FHIT: variants seen among roughly 807,000 people sequenced by gnomAD.
FHIT encodes the protein bis(5'-adenosyl)-triphosphatase.
Under a neutral mutation model 17.9 loss-of-function variants are expected in FHIT, and 19 were observed. That is an observed-to-expected ratio of 1.06 (90% CI 0.74 to 1.56). The LOEUF (loss-of-function observed/expected upper bound fraction) is 1.56. FHIT is among the 40% of genes most tolerant of loss of function. The probability of loss-of-function intolerance (pLI) is 0.00; values close to 1 mark genes in which losing one functional copy is unlikely to be tolerated. For synonymous variants in FHIT, 81 were observed against 69.7 expected (o/e 1.16, Z -0.81); for missense variants, 248 against 189.2 (o/e 1.31, Z -1.82).
intron 5 of FHIT, among the ~76,000 whole-genome samples, chr3:60,153,341 T>C: frequency 9.5e-6 from 1 of 105,288 alleles, no homozygotes; most frequent in African/African-American, 3.8e-5. Flanking sequence ...GAAAGAAAGG[T>C]AACTTTCACT....
chr3:60,935,660 T>G (rs2107387649), intron 3 of FHIT, among the ~76,000 whole-genome samples: 1 of 152,344 alleles, frequency 6.6e-6, no homozygotes, highest in East Asian at 1.9e-4. Context: ...CTCAAGTCTC[T>G]TCTGACTCTA....
intron 5 of FHIT, among the ~76,000 whole-genome samples, chr3:60,389,661 T>A (rs2107146598): frequency 6.6e-6 from 1 of 152,308 alleles, no homozygotes; most frequent in East Asian, 1.9e-4. Flanking sequence ...TCAACATAAG[T>A]GTTATATTTA....
intron 4 of FHIT, among the ~76,000 whole-genome samples, chr3:60,576,390 C>T (rs1333131395): frequency 6.6e-6 from 1 of 151,990 alleles, no homozygotes; most frequent in Non-Finnish European, 1.5e-5. Flanking sequence ...ATGGTGTCTG[C>T]AAATGCTCCA....
chr3:60,369,000 G>C (rs938595516), intron 5 of FHIT, among the ~76,000 whole-genome samples: 1 of 151,316 alleles, frequency 6.6e-6, no homozygotes, highest in African/African-American at 2.4e-5. Context: ...TCCTGAGACC[G>C]CTCACTCTGT....
At chr3:60,807,541 T>C (rs1406523979) in intron 4 of FHIT, among the ~76,000 whole-genome samples, 2 of 152,166 alleles carry the variant, frequency 1.3e-5, no homozygotes, top group African/African-American at 4.8e-5. Context: ...TGAGCCATGA[T>C]TGTGCCACTG....
chr3:59,970,008 G>A (rs779517208), intron 7 of FHIT, among the ~76,000 whole-genome samples: 17 of 151,904 alleles, frequency 1.1e-4, no homozygotes, highest in Non-Finnish European at 1.9e-4. Context: ...ACCCCACCCA[G>A]AACATAACTG....
rs574946093 is a variant in FHIT at position 61,089,792 on chromosome 3, G to C, written c.-163-47693C>G. ...CATAACCAAAGAGTAGAAACTATAA[G>C]AAGAGAGATTTCAATTTGACATAAG... On this transcript the variant is annotated intron_variant, in intron 2 of 9. Transcript: ENST00000492590. 5.9e-5 allele frequency among the ~76,000 whole-genome samples: 9 copies of C among 152,242 alleles called. No individual in the cohort carries two copies. In the South Asian group the frequency reaches 1.9e-3, roughly 32 times the overall value.
intron 4 of FHIT, among the ~76,000 whole-genome samples, chr3:60,655,106 A>G (rs1048187447): frequency 6.6e-6 from 1 of 152,182 alleles, no homozygotes; most frequent in Non-Finnish European, 1.5e-5. Context: ...TGTAAGGCAA[A>G]TACTTCTTGT....
intron 5 of FHIT, among the ~76,000 whole-genome samples, chr3:60,426,822 A>T (rs1702685599): frequency 6.6e-6 from 1 of 152,076 alleles, no homozygotes; most frequent in Non-Finnish European, 1.5e-5. Flanking sequence ...TTGCTTTACT[A>T]GACAGTGCTC....
intron 5 of FHIT, among the ~76,000 whole-genome samples, chr3:60,212,380 G>A (rs1576316506): frequency 6.6e-6 from 1 of 152,096 alleles, no homozygotes; most frequent in Non-Finnish European, 1.5e-5. Flanking sequence ...AAACGTTAGG[G>A]TATTTGTTGG....
Position 59,950,549 on chromosome 3 carries a change from G to A in FHIT, c.280-28135C>T, listed in dbSNP as rs1304949826. 3.3e-5 allele frequency among the ~76,000 whole-genome samples: 5 copies of A among 152,264 alleles called. No homozygotes were observed. The East Asian group carries it at 9.7e-4, about 29-fold the overall frequency. On this transcript the variant is annotated intron_variant, in intron 7 of 9. Coordinates refer to ENST00000492590, the MANE Select transcript of FHIT (RefSeq NM_002012.4). The stretch of plus-strand genomic sequence containing the variant: ...GTACTTGCCACTGTCTAAAAAAACT[G>A]TTTGTTTACTTGTTTTCTTTTCTTT...
intron 1 of FHIT, among the ~76,000 whole-genome samples, chr3:61,204,527 A>C (rs946081545): frequency 6.6e-6 from 1 of 152,236 alleles, no homozygotes. Flanking sequence ...GAAGGGAGAA[A>C]GAAGCAAAGG....
At chr3:61,125,025 C>A (rs1158480940) in intron 2 of FHIT, among the ~76,000 whole-genome samples, 1 of 152,062 alleles carries the variant, frequency 6.6e-6, no homozygotes, top group Non-Finnish European at 1.5e-5. Flanking sequence ...ACTAAGTATA[C>A]CAAATCATTT....
At chr3:60,715,672 A>T (rs1244096816) in intron 4 of FHIT, among the ~76,000 whole-genome samples, 1 of 150,980 alleles carries the variant, frequency 6.6e-6, no homozygotes, top group Non-Finnish European at 1.5e-5. Flanking sequence ...CCTAATGCTA[A>T]ATGATGAGTT....
intron 3 of FHIT, 37 bp downstream of exon 3, chr3:61,042,010 T>A (rs1369810596): frequency 6.6e-6 from 1 of 152,246 alleles, no homozygotes; most frequent in East Asian, 1.9e-4. Flanking sequence ...GTGGCATATG[T>A]GCCAATTCTG....
intron 5 of FHIT, among the ~76,000 whole-genome samples, chr3:60,533,899 T>G (rs1009856589): frequency 6.6e-6 from 1 of 152,140 alleles, no homozygotes; most frequent in Admixed American, 6.5e-5. Flanking sequence ...GATAAAGTTA[T>G]AGGCTACATT....
chr3:61,134,353 AAATAATTATTCATTC>A (rs2036852563), intron 2 of FHIT, among the ~76,000 whole-genome samples: 1 of 152,150 alleles, frequency 6.6e-6, no homozygotes, highest in African/African-American at 2.4e-5. Context: ...ACATGCAAGA[AAATAATTATTCATTC>A]AATAAGTATT....
intron 4 of FHIT, among the ~76,000 whole-genome samples, chr3:60,557,311 C>G (rs924995051): frequency 1.3e-5 from 2 of 152,054 alleles, no homozygotes; most frequent in African/African-American, 4.8e-5. Flanking sequence ...ATCTTCTGCC[C>G]ACATTGCATT....
chr3:59,895,201 G>T (rs1055387334), intron 8 of FHIT, among the ~76,000 whole-genome samples: 1 of 152,200 alleles, frequency 6.6e-6, no homozygotes, highest in African/African-American at 2.4e-5. Context: ...GTAGTGCCAA[G>T]ACTGAGAAAT....
Sources: allele counts gnomAD v4.1 joint callset (sites outside exome capture counted in the v4.1 genomes callset), GRCh38; gene constraint gnomAD v4.1.1; transcripts MANE v1.5; gene names NCBI Gene and HGNC (gene_info 2026-07-23, HGNC 2026-07-21).